The following LHFPL3 variants were observed in gnomAD, a reference collection of about 807,000 sequenced individuals.
LHFPL3 encodes LHFPL tetraspan subfamily member 3, also known as LHFPL tetraspan subfamily member 3 protein.
LHFPL3 carries 5 observed loss-of-function variants against 19.3 expected under a neutral mutation model. The ratio of observed to expected loss-of-function variants is 0.26; its 90% CI spans 0.14 to 0.54. The LOEUF (loss-of-function observed/expected upper bound fraction) is 0.54, where lower values mean the gene tolerates loss of function less well. LHFPL3 is among the 20% of genes least tolerant of loss of function. The pLI, the probability that LHFPL3 is intolerant of heterozygous loss-of-function variation, is 0.94. For missense variants in LHFPL3, 249 were observed against 307.4 expected, an observed-to-expected ratio of 0.81 and a Z score of 1.42; for synonymous variants, 133 against 126.2, an observed-to-expected ratio of 1.05 and a Z score of -0.36.
chr7:104,905,216 A>G (rs10236552), intron 2 of LHFPL3, among the ~76,000 whole-genome samples: 23,302 of 152,098 alleles, frequency 0.15, 4,019 homozygotes, highest in East Asian at 0.44. Context: ...TCAGCTTCCC[A>G]AAATGCTGGG....
chr7:104,883,912 C>G (rs1320637360), intron 2 of LHFPL3, among the ~76,000 whole-genome samples: 1 of 152,116 alleles, frequency 6.6e-6, no homozygotes, highest in African/African-American at 2.4e-5. Flanking sequence ...GAAATTCACT[C>G]CTGAGCACAC....
chr7:104,503,070 A>G (rs1793631686), intron 1 of LHFPL3, among the ~76,000 whole-genome samples: 1 of 152,042 alleles, frequency 6.6e-6, no homozygotes, highest in Non-Finnish European at 1.5e-5. Flanking sequence ...TACGCTTGCA[A>G]ATATTTAATT....
In LHFPL3 at chr7:104,669,170, C is replaced by G. The variant is rs1792422786; in HGVS notation, c.446-67505C>G. The G allele has an allele frequency of 4.3e-6, 7 of 1,613,808 alleles. No individual in the cohort carries two copies. In the Admixed American group the frequency reaches 1.2e-4, roughly 27 times the overall value. ...CAGCCCCTAAAGGTAATGCCAGCCC[C>G]TCCACCAAAGGAGAATGCTTGGGTG... On this transcript the variant is annotated intron_variant, in intron 1 of 2. Coordinates refer to ENST00000424859, the MANE Select transcript of LHFPL3 (RefSeq NM_199000.3).
intron 1 of LHFPL3, among the ~76,000 whole-genome samples, chr7:104,533,068 T>A (rs1794332496): frequency 6.6e-6 from 1 of 152,244 alleles, no homozygotes; most frequent in South Asian, 2.1e-4. Context: ...CTATATATAA[T>A]TCAAGGATTT....
chr7:104,845,891 T>C lies in LHFPL3; in HGVS notation c.683-60296T>C, dbSNP rs192359761. 1.1e-4 allele frequency among the ~76,000 whole-genome samples: 17 copies of C among 152,338 alleles called. No homozygotes were observed. In the East Asian group the frequency reaches 2.7e-3, roughly 24 times the overall value. ...TGGATTACGGCTGTGGGCGTCTCCATAGAGTGAATGCTAAGTGAAAGCAAA... is the reference window on the plus strand; with the variant it reads ...TGGATTACGGCTGTGGGCGTCTCCACAGAGTGAATGCTAAGTGAAAGCAAA... On this transcript the variant is annotated intron_variant, in intron 2 of 2. Coordinates refer to ENST00000424859, the MANE Select transcript of LHFPL3 (RefSeq NM_199000.3).
At chr7:104,572,857 G>A (rs1790254283) in intron 1 of LHFPL3, among the ~76,000 whole-genome samples, 1 of 152,156 alleles carries the variant, frequency 6.6e-6, no homozygotes, top group Non-Finnish European at 1.5e-5. Context: ...GAGAAAAAGA[G>A]TCTCAAGTTG....
At chr7:104,686,392 C>T (rs1207111428) in intron 1 of LHFPL3, among the ~76,000 whole-genome samples, 1 of 152,182 alleles carries the variant, frequency 6.6e-6, no homozygotes, top group African/African-American at 2.4e-5. Flanking sequence ...ATGATTTCCA[C>T]ACATCAAGAA....
chr7:104,649,620 G>C (rs139771254), intron 1 of LHFPL3, among the ~76,000 whole-genome samples: 4 of 152,170 alleles, frequency 2.6e-5, no homozygotes, highest in African/African-American at 9.7e-5. Context: ...ATGGATTTCA[G>C]ATTTTGAAAA....
intron 1 of LHFPL3, among the ~76,000 whole-genome samples, chr7:104,494,259 C>A (rs1320205696): frequency 2.0e-5 from 3 of 152,154 alleles, no homozygotes; most frequent in African/African-American, 7.2e-5. Context: ...GTATCAAATG[C>A]AAATCTATTA....
chr7:104,370,068 C>G (rs566032370), intron 1 of LHFPL3, among the ~76,000 whole-genome samples: 4 of 152,168 alleles, frequency 2.6e-5, no homozygotes, highest in African/African-American at 9.6e-5. Flanking sequence ...CAGAAAAGAA[C>G]ACAAATGTTT....
chr7:104,481,608 C>T (rs948438497), intron 1 of LHFPL3, among the ~76,000 whole-genome samples: 3 of 152,030 alleles, frequency 2.0e-5, no homozygotes, highest in African/African-American at 7.2e-5. Flanking sequence ...GATATTAACA[C>T]TGTCTAATTC....
At chr7:104,526,093 T>G (rs1794183620) in intron 1 of LHFPL3, among the ~76,000 whole-genome samples, 1 of 152,154 alleles carries the variant, frequency 6.6e-6, no homozygotes, top group Non-Finnish European at 1.5e-5. Context: ...AGATTTTGAT[T>G]GATGTCACAT....
chr7:104,580,156 T>C (rs73715129), intron 1 of LHFPL3, among the ~76,000 whole-genome samples: 1 of 152,022 alleles, frequency 6.6e-6, no homozygotes, highest in African/African-American at 2.4e-5. Context: ...TTTCTGAGAA[T>C]GTTTTCATGC....
chr7:104,611,406 G>A (rs1234221334), intron 1 of LHFPL3, among the ~76,000 whole-genome samples: 1 of 152,180 alleles, frequency 6.6e-6, no homozygotes, highest in African/African-American at 2.4e-5. Context: ...CAGGCCACGT[G>A]GGGAGGGATC....
intron 1 of LHFPL3, among the ~76,000 whole-genome samples, chr7:104,665,014 C>G (rs1792304852): frequency 6.6e-6 from 1 of 152,160 alleles, no homozygotes; most frequent in Non-Finnish European, 1.5e-5. Flanking sequence ...AAAATGAATA[C>G]ACATTGAATT....
chr7:104,746,213 G>A (rs1794043366), intron 2 of LHFPL3, among the ~76,000 whole-genome samples: 1 of 152,156 alleles, frequency 6.6e-6, no homozygotes, highest in South Asian at 2.1e-4. Flanking sequence ...TTGGGAGGCT[G>A]AGGCAGGAGA....
chr7:104,461,243 G>A (rs907945736), intron 1 of LHFPL3, among the ~76,000 whole-genome samples: 12 of 152,178 alleles, frequency 7.9e-5, no homozygotes, highest in African/African-American at 2.7e-4. Context: ...CGAGAACCGT[G>A]TGGGGGAAAC....
At chr7:104,452,052 T>G (rs1729288696) in intron 1 of LHFPL3, among the ~76,000 whole-genome samples, 2 of 152,080 alleles carry the variant, frequency 1.3e-5, no homozygotes, top group South Asian at 4.2e-4. Flanking sequence ...AGCCTAAAAT[T>G]TTCAAATAAT....
In LHFPL3 at chr7:104,833,282, GAT is replaced by G. The variant is rs1254635159; in HGVS notation, c.683-72894_683-72893del. Among the ~76,000 whole-genome samples, 7 of 45,316 alleles carry G rather than the reference GAT, an allele frequency of 1.5e-4. No homozygotes were observed. In the East Asian group the frequency reaches 3.1e-3, roughly 20 times the overall value. 29.7% of individuals were successfully genotyped at this position (45,316 alleles called of 152,430 possible). A position where few individuals can be genotyped will look rare whatever the true frequency, so the allele number is the denominator to read the frequency against. On this transcript the variant is annotated intron_variant, in intron 2 of 2. Coordinates refer to ENST00000424859, the MANE Select transcript of LHFPL3 (RefSeq NM_199000.3). The stretch of plus-strand genomic sequence containing the variant: ...AACTAATAGGATATATATATAATAG[GAT>G]ATATATATATTATATATATAATAGG...
Sources: allele counts gnomAD v4.1 joint callset (sites outside exome capture counted in the v4.1 genomes callset), GRCh38; gene constraint gnomAD v4.1.1; transcripts MANE v1.5; gene names NCBI Gene and HGNC (gene_info 2026-07-23, HGNC 2026-07-21).